The following HPS5 variants were observed in gnomAD, a reference collection of about 807,000 sequenced individuals.
The protein encoded by HPS5 is BLOC-2 complex member HPS5.
In HPS5, 83 loss-of-function variants were observed where a neutral mutation model predicts 128.0. The observed-to-expected ratio is 0.65, with a 90% confidence interval of 0.54 to 0.78. HPS5 has a LOEUF of 0.78. Among genes scored for constraint, HPS5 ranks in the 30% least tolerant of loss-of-function variants. HPS5 has a pLI of 0.00. For missense variants in HPS5, 1,281 were observed against 1,326.2 expected, an observed-to-expected ratio of 0.97 and a Z score of 0.53; for synonymous variants, 475 against 470.2, an observed-to-expected ratio of 1.01 and a Z score of -0.13.
Position 18,281,999 on chromosome 11 carries a change from TCTCTGACAA to T in HPS5, c.3271_3279del (p.Leu1091_Glu1093del). ...AGGATATCGCAGGTTCTGGTAAACTTCTCTGACAACTCAAGGGCCAGACCACATTCCTGT... is the reference window on the plus strand; with the variant it reads ...AGGATATCGCAGGTTCTGGTAAACTTCTCAAGGGCCAGACCACATTCCTGT... On this transcript the variant is annotated inframe_deletion, in exon 22 of 23. Transcript: ENST00000349215. 1 of 1,614,162 alleles carries T rather than the reference TCTCTGACAA, an allele frequency of 6.2e-7. No individual in the cohort carries two copies. Among genetic ancestry groups the T allele is most frequent in the Non-Finnish European group, 8.5e-7 (1 of 1,180,026 alleles).
intron 21 of HPS5, among the ~76,000 whole-genome samples, chr11:18,282,670 T>C (rs1157586180): frequency 6.6e-6 from 1 of 152,206 alleles, no homozygotes; most frequent in Admixed American, 6.5e-5. Context: ...CCCTGTACTC[T>C]TGTGGAGCCT....
In HPS5 at chr11:18,308,960, CAAG is replaced by C; in HGVS notation, c.594_596del (p.Phe198del). 6.2e-7 allele frequency: 1 copy of C among 1,614,070 alleles called. No homozygotes were observed. The highest frequency in any genetic ancestry group is 8.5e-7 in the Non-Finnish European group (1 of 1,179,982). On this transcript the variant is annotated inframe_deletion, in exon 6 of 23. Coordinates refer to ENST00000349215, the MANE Select transcript of HPS5 (RefSeq NM_181507.2). The stretch of plus-strand genomic sequence containing the variant: ...GGTCAATATACCTCTCAGTGTCACA[CAAG>C]AAGGATCGAGTAAGTGAAGATATAA...
rs1861622799 is a variant in HPS5 at position 18,300,860 on chromosome 11, T to C, written c.953A>G (p.Asn318Ser). Residue 318 changes from asparagine to serine, a missense_variant, in exon 9 of 23, where the codon AAT becomes AGT. Transcript: ENST00000349215. ...ERGIYIFIPQ[N>S]VQVLLWSEVK... The stretch of plus-strand genomic sequence containing the variant: ...TTCACTCCAAAGAAGAACTTGAACA[T>C]TCTGAGGAATGAAAATATAAATTCC... 1.3e-6 allele frequency: 2 copies of C among 1,595,908 alleles called. No individual in the cohort carries two copies. Among genetic ancestry groups the C allele is most frequent in the Non-Finnish European group, 1.7e-6 (2 of 1,163,488 alleles).
rs1296322735 is a variant in HPS5, at chr11:18,317,839, A to G, written c.20T>C (p.Ile7Thr). 1.2e-6 allele frequency: 2 copies of G among 1,613,516 alleles called. No homozygotes were observed. The highest frequency in any genetic ancestry group is 1.7e-6 in the Non-Finnish European group (2 of 1,179,662). ...AAGAACATGGCTGTAGGACTCTGGT[A>G]TCACTGGCACAAAAGCCATTTAGCC... MAFVPV[I>T]PESYSHVLAE... Residue 7 changes from isoleucine to threonine, a missense_variant, in exon 2 of 23, where the codon ATA (isoleucine) becomes ACA (threonine). Ile to Thr is a moderately conservative substitution (Grantham distance 89). Transcript: ENST00000349215.
chr11:18,308,040 T>A (rs1455441992), intron 6 of HPS5, among the ~76,000 whole-genome samples: 2 of 152,170 alleles, frequency 1.3e-5, no homozygotes, highest in Non-Finnish European at 2.9e-5. Context: ...AGAAATATGA[T>A]AGCTGCCAGG....
At chr11:18,290,686 C>T (rs1860290376) in intron 16 of HPS5, among the ~76,000 whole-genome samples, 2 of 152,126 alleles carry the variant, frequency 1.3e-5, no homozygotes, top group African/African-American at 4.8e-5. Context: ...TTTTGGGAGG[C>T]CAAGGTGGGA....
intron 1 of HPS5, among the ~76,000 whole-genome samples, chr11:18,321,573 A>G (rs1417181312): frequency 6.6e-6 from 1 of 152,254 alleles, no homozygotes; most frequent in Non-Finnish European, 1.5e-5. Flanking sequence ...TCCAAATCTC[A>G]TCTTTCCATT....
chr11:18,310,223 G>A (rs1862814574), intron 5 of HPS5, among the ~76,000 whole-genome samples: 1 of 152,162 alleles, frequency 6.6e-6, no homozygotes, highest in African/African-American at 2.4e-5. Context: ...AGCCATAACT[G>A]CAGCAAGAAG....
Position 18,305,974 on chromosome 11 carries a change from C to T in HPS5, c.824+161G>A, listed in dbSNP as rs112097249. On this transcript the variant is annotated intron_variant, in intron 7 of 22. Coordinates refer to ENST00000349215, the MANE Select transcript of HPS5 (RefSeq NM_181507.2). ...GTCTCGATCTCCTGACCTCAAGATCCGCCTGCCACAGCCTCCCAAAGTGCT... is the reference window on the plus strand; with the variant it reads ...GTCTCGATCTCCTGACCTCAAGATCTGCCTGCCACAGCCTCCCAAAGTGCT... Among the ~76,000 whole-genome samples the T allele has an allele frequency of 0.027, 4,095 of 152,268 alleles. 83 individuals carry two copies. The highest frequency in any genetic ancestry group is 0.053 in the African/African-American group (2,208 of 41,560).
chr11:18,308,244 T>C (rs1225287456), intron 6 of HPS5, among the ~76,000 whole-genome samples: 1 of 152,250 alleles, frequency 6.6e-6, no homozygotes, highest in East Asian at 1.9e-4. Flanking sequence ...TTTGATGAAA[T>C]ACTTATCTTC....
chr11:18,315,703 C>T (rs1292280378), intron 2 of HPS5, among the ~76,000 whole-genome samples: 1 of 152,140 alleles, frequency 6.6e-6, no homozygotes, highest in East Asian at 1.9e-4. Flanking sequence ...CCCTAAGGAT[C>T]TCATCAAATA....
At chr11:18,294,950 G>A in intron 14 of HPS5, 70 bp downstream of exon 14, 1 of 1,557,928 alleles carries the variant, frequency 6.4e-7, no homozygotes, top group Non-Finnish European at 8.8e-7. Flanking sequence ...CACAAGGTTG[G>A]TCTATGGCTT....
At position 18,307,690 on chromosome 11, in the gene HPS5, A is replaced by G. The variant is rs543555996; in HGVS notation, c.611+1256T>C. Among the ~76,000 whole-genome samples, 29 of 152,090 alleles carry G rather than the reference A, an allele frequency of 1.9e-4. No individual in the cohort carries two copies. In the South Asian group the frequency reaches 5.6e-3, roughly 29 times the overall value. ...CACTAAATTTACATGAAGCAAAGTC[A>G]TATCTATCACTTTGGCTAGTCACTA... is the stretch of plus-strand genomic sequence containing the variant. On this transcript the variant is annotated intron_variant, in intron 6 of 22. Coordinates refer to ENST00000349215, the MANE Select transcript of HPS5 (RefSeq NM_181507.2).
intron 19 of HPS5, among the ~76,000 whole-genome samples, chr11:18,286,166 A>C (rs561781565): frequency 6.6e-6 from 1 of 152,354 alleles, no homozygotes; most frequent in South Asian, 2.1e-4. Context: ...AGTCTCTTCC[A>C]TAGCTATTTC....
chr11:18,282,741 G>A (rs1436029839), intron 21 of HPS5, among the ~76,000 whole-genome samples: 3 of 151,968 alleles, frequency 2.0e-5, no homozygotes, highest in African/African-American at 7.3e-5. Flanking sequence ...AGTATGCTAA[G>A]CACTATGAAA....
At chr11:18,321,800 T>G (rs552940848) in intron 1 of HPS5, 146 bp downstream of exon 1, 1 of 152,312 alleles carries the variant, frequency 6.6e-6, no homozygotes, top group East Asian at 1.9e-4. Flanking sequence ...CTCAGACAAA[T>G]GGCGACTGAC....
Position 18,291,442 on chromosome 11 carries a change from C to T in HPS5, c.2440G>A (p.Glu814Lys). 2 of 1,576,122 alleles carry T rather than the reference C, an allele frequency of 1.3e-6. No individual in the cohort carries two copies. Among genetic ancestry groups the T allele is most frequent in the Non-Finnish European group, 1.7e-6 (2 of 1,145,974 alleles). Reference protein sequence around the residue: ...VWDTFIEGLKEMASSNPVYME... With the variant: ...VWDTFIEGLKKMASSNPVYME... Reference sequence around the variant, plus strand: ...TTTGATAAGGCAATCTGAGTATTACCTTTCAATCCTTCAATAAAAGTATCC... The same window carrying T: ...TTTGATAAGGCAATCTGAGTATTACTTTTCAATCCTTCAATAAAAGTATCC... Residue 814 changes from glutamate (E) to lysine (K), a missense_variant and splice_region_variant, in exon 16 of 23, where the codon GAA (glutamate) becomes AAA (lysine). Transcript: ENST00000349215.
chr11:18,293,863 T>C (rs1860738899), intron 14 of HPS5, among the ~76,000 whole-genome samples: 1 of 152,206 alleles, frequency 6.6e-6, no homozygotes, highest in Non-Finnish European at 1.5e-5. Context: ...CTTAGAAGGA[T>C]GTGGCTAGAA....
At position 18,317,772 on chromosome 11, in the gene HPS5, C is replaced by A. The variant is rs768860958; in HGVS notation, c.87G>T (p.Arg29=). 1.2e-5 allele frequency: 19 copies of A among 1,613,830 alleles called. No homozygotes were observed. Residue 29 remains arginine (R), a synonymous_variant, in exon 2 of 23, where the codon CGG becomes CGT. Transcript: ENST00000349215. ...ESLDPLLSAL[R]LDSSRLKCTS... is the part of the protein sequence containing the mutation. Reference sequence around the variant, plus strand: ...TCACCTTTAGACGACTGGAGTCCAGCCGCAGGGCTGAGAGTAATGGATCCA... The same window carrying A: ...TCACCTTTAGACGACTGGAGTCCAGACGCAGGGCTGAGAGTAATGGATCCA...
Sources: gnomAD v4.1 joint callset for allele counts (sites outside exome capture counted in the v4.1 genomes callset) on GRCh38, gnomAD v4.1.1 for gene constraint, MANE v1.5 for transcripts, NCBI Gene and HGNC (gene_info 2026-07-23, HGNC 2026-07-21) for gene names.